The following MAP3K7 variants were observed in gnomAD, a reference collection of about 807,000 sequenced individuals.
MAP3K7 encodes the protein mitogen-activated protein kinase kinase kinase 7.
Under a neutral mutation model 84.8 loss-of-function variants are expected in MAP3K7, and 21 were observed. The observed-to-expected ratio is 0.25, with a 90% CI of 0.18 to 0.36. The LOEUF is 0.36. Among genes scored for constraint, MAP3K7 ranks in the 10% least tolerant of loss-of-function variants. The pLI, the probability that MAP3K7 is intolerant of heterozygous loss-of-function variation, is 1.00. For synonymous variants in MAP3K7, 241 were observed against 247.7 expected, an observed-to-expected ratio of 0.97 and a Z score of 0.25; for missense variants, 503 against 747.7, an observed-to-expected ratio of 0.67 and a Z score of 3.82.
chr6:90,581,856 ATATATT>A (rs1777282698), intron 1 of MAP3K7, among the ~76,000 whole-genome samples: 1 of 152,250 alleles, frequency 6.6e-6, no homozygotes, highest in African/African-American at 2.4e-5. Context: ...CCAATTCCCC[ATATATT>A]TATAACTTAA....
chr6:90,533,387 G>A (rs954517868), intron 13 of MAP3K7, among the ~76,000 whole-genome samples: 33 of 152,162 alleles, frequency 2.2e-4, no homozygotes, highest in African/African-American at 8.0e-4. Context: ...AGCATGGGGT[G>A]TCTCAGTAAG....
In MAP3K7 at chr6:90,586,889, C is replaced by T. The variant is rs1249886019; in HGVS notation, c.-6G>A. The T allele has an allele frequency of 1.2e-6, 2 of 1,602,310 alleles. No homozygotes were observed. Among genetic ancestry groups the T allele is most frequent in the Non-Finnish European group, 8.5e-7 (1 of 1,175,714 alleles). On this transcript the variant is annotated 5_prime_UTR_variant, in exon 1 of 17. Transcript: ENST00000369329. Reference sequence around the variant, plus strand: ...GCGGCAGAGGCTGTAGACATGATCCCTCGCGGCGCCCGGTGGGGCCGGGAA... The same window carrying T: ...GCGGCAGAGGCTGTAGACATGATCCTTCGCGGCGCCCGGTGGGGCCGGGAA...
At chr6:90,584,221 TG>T (rs1240971981) in intron 1 of MAP3K7, among the ~76,000 whole-genome samples, 19 of 152,184 alleles carry the variant, frequency 1.2e-4, no homozygotes, top group African/African-American at 4.3e-4. Flanking sequence ...ACAATTGAAC[TG>T]GAAGTGTAAT....
chr6:90,538,446 GA>G (rs1216211085), intron 12 of MAP3K7, among the ~76,000 whole-genome samples: 13 of 151,900 alleles, frequency 8.6e-5, no homozygotes, highest in African/African-American at 3.1e-4. Flanking sequence ...AGTGTAAATG[GA>G]AAAAGTAGTA....
chr6:90,555,300 G>C (rs1413466432), intron 6 of MAP3K7, among the ~76,000 whole-genome samples: 4 of 151,490 alleles, frequency 2.6e-5, no homozygotes, highest in Non-Finnish European at 5.9e-5. Context: ...CTGTCACCCA[G>C]GCTGGAGTGC....
At chr6:90,578,403 T>C (rs1777155994) in intron 1 of MAP3K7, among the ~76,000 whole-genome samples, 3 of 152,092 alleles carry the variant, frequency 2.0e-5, no homozygotes, top group South Asian at 4.1e-4. Flanking sequence ...CACCCCAAAG[T>C]AGCTGGGATT....
chr6:90,541,671 T>A (rs559176341), intron 12 of MAP3K7, among the ~76,000 whole-genome samples: 1 of 152,032 alleles, frequency 6.6e-6, no homozygotes, highest in Non-Finnish European at 1.5e-5. Flanking sequence ...TTCTGTATGA[T>A]CTGAGAGACT....
chr6:90,527,412 G>A (rs994624865), intron 13 of MAP3K7, among the ~76,000 whole-genome samples: 37 of 151,874 alleles, frequency 2.4e-4, no homozygotes, highest in African/African-American at 8.2e-4. Context: ...ACATGCTCAC[G>A]GCACCATGCA....
intron 1 of MAP3K7, among the ~76,000 whole-genome samples, chr6:90,574,818 G>A (rs983557803): frequency 1.3e-5 from 2 of 152,162 alleles, no homozygotes; most frequent in African/African-American, 4.8e-5. Context: ...GTCAAATGAG[G>A]ACATGAAAAA....
rs926204867 is a variant in MAP3K7, at chr6:90,550,561, A to G, written c.868-12T>C. 8 of 1,532,846 alleles carry G rather than the reference A, an allele frequency of 5.2e-6. No homozygotes were observed. In the African/African-American group the frequency reaches 1.1e-4, roughly 21 times the overall value. The allele number at this position is 1,532,846 out of a possible 1,614,324, so 95.0% of individuals were successfully genotyped here. A position where few individuals can be genotyped will look rare whatever the true frequency, so the allele number is the denominator to read the frequency against. Reference sequence around the variant, plus strand: ...GCTCCTGGAAAGTACTATATATAAAAAAGTAAACCACAGCTTAAAATTTCC... The same window carrying G: ...GCTCCTGGAAAGTACTATATATAAAGAAGTAAACCACAGCTTAAAATTTCC... On this transcript the variant is annotated splice_polypyrimidine_tract_variant and intron_variant, in intron 8 of 16. Coordinates refer to ENST00000369329, the MANE Select transcript of MAP3K7 (RefSeq NM_145331.3).
At chr6:90,519,211 C>A in intron 15 of MAP3K7, 47 bp downstream of exon 15, 1 of 1,280,054 alleles carries the variant, frequency 7.8e-7, no homozygotes, top group Non-Finnish European at 1.1e-6. Context: ...AACTTAAACT[C>A]TCTAAGAAGA....
intron 4 of MAP3K7, 137 bp downstream of exon 4, chr6:90,561,480 ATTCTT>A: frequency 1.9e-6 from 1 of 540,092 alleles, no homozygotes; most frequent in South Asian, 3.6e-5. Context: ...TTCCATTTTT[ATTCTT>A]AGCAGATTTT....
At chr6:90,519,425 G>A in intron 14 of MAP3K7, 106 bp from the exon 15 acceptor site, 1 of 702,828 alleles carries the variant, frequency 1.4e-6, no homozygotes, top group Non-Finnish European at 2.4e-6. Flanking sequence ...TAAATAATAT[G>A]TAAATTAAAA....
chr6:90,524,020 C>T lies in MAP3K7; in HGVS notation c.1357-237G>A, dbSNP rs139361852. The stretch of plus-strand genomic sequence containing the variant: ...AAATACTCTGAGATTAGAAACAAAA[C>T]AATATCAGGAAACTAGTAAGTGCTT... On this transcript the variant is annotated intron_variant, in intron 13 of 16. Transcript: ENST00000369329. Among the ~76,000 whole-genome samples, 556 of 152,180 alleles carry T rather than the reference C, an allele frequency of 3.7e-3. 6 individuals are homozygous for T. Among genetic ancestry groups the T allele is most frequent in the Non-Finnish European group, 4.1e-3 (276 of 67,996 alleles).
intron 1 of MAP3K7, among the ~76,000 whole-genome samples, chr6:90,575,370 T>C (rs1777039195): frequency 6.6e-6 from 1 of 152,006 alleles, no homozygotes; most frequent in South Asian, 2.1e-4. Flanking sequence ...AGGGTAGGGA[T>C]TCAACAGCAA....
At chr6:90,547,533 C>G (rs1455878253) in intron 10 of MAP3K7, 146 bp from the exon 11 acceptor site, 7 of 832,578 alleles carry the variant, frequency 8.4e-6, no homozygotes, top group Admixed American at 6.6e-5. Context: ...CGAGAGGGAG[C>G]TACAGGGGTA....
chr6:90,586,859 A>G lies in MAP3K7; in HGVS notation c.25T>C (p.Ser9Pro). 1 of 1,611,066 alleles carries G rather than the reference A, an allele frequency of 6.2e-7. No individual in the cohort carries two copies. Among genetic ancestry groups the G allele is most frequent in the Non-Finnish European group, 8.5e-7 (1 of 1,178,638 alleles). Residue 9 changes from serine (S) to proline (P), a missense_variant, in exon 1 of 17, where the codon TCC becomes CCC. This residue lies in a region of MAP3K7 where 41 missense variants were observed against 41.4 expected (regional missense o/e 0.99). Coordinates refer to ENST00000369329, the MANE Select transcript of MAP3K7 (RefSeq NM_145331.3). Reference sequence around the variant, plus strand: ...TCACCGGCCGAAGACGAGGAGGAGGAGGAGGCGGCAGAGGCTGTAGACATG... The same window carrying G: ...TCACCGGCCGAAGACGAGGAGGAGGGGGAGGCGGCAGAGGCTGTAGACATG... Reference protein sequence around the residue: MSTASAASSSSSSSAGEMI... With the variant: MSTASAASPSSSSSAGEMI...
At position 90,552,324 on chromosome 6, in the gene MAP3K7, T is replaced by A. The variant is rs1198917035; in HGVS notation, c.737-145A>T. Reference sequence around the variant, plus strand: ...AATTTGGAGTAATAAAAGTGCTTTGTAATTTTATCAATTAACAAGTTAGTT... The same window carrying A: ...AATTTGGAGTAATAAAAGTGCTTTGAAATTTTATCAATTAACAAGTTAGTT... On this transcript the variant is annotated intron_variant, in intron 7 of 16. Coordinates refer to ENST00000369329, the MANE Select transcript of MAP3K7 (RefSeq NM_145331.3). 4 of 714,206 alleles carry A rather than the reference T, an allele frequency of 5.6e-6. No individual in the cohort carries two copies. The African/African-American group carries it at 7.1e-5, about 13-fold the overall frequency. 44.2% of individuals were successfully genotyped at this position (714,206 alleles called of 1,614,324 possible).
intron 7 of MAP3K7, among the ~76,000 whole-genome samples, chr6:90,552,820 T>C (rs1776222562): frequency 1.3e-5 from 2 of 152,118 alleles, no homozygotes; most frequent in Admixed American, 6.5e-5. Context: ...GGACATTGAG[T>C]CCATAAGTCA....
Sources: allele counts gnomAD v4.1 joint callset (sites outside exome capture counted in the v4.1 genomes callset), GRCh38; gene constraint gnomAD v4.1.1; regional missense constraint gnomAD v4.1.1; transcripts MANE v1.5; gene names NCBI Gene and HGNC (gene_info 2026-07-23, HGNC 2026-07-21).